Variants in PIGU observed in about 807,000 individuals in gnomAD.
The protein encoded by PIGU is phosphatidylinositol glycan anchor biosynthesis class U.
A neutral mutation model predicts 49.9 loss-of-function variants in PIGU; 24 were observed. That is an observed-to-expected ratio of 0.48 (90% CI 0.35 to 0.68). The LOEUF (loss-of-function observed/expected upper bound fraction) is 0.68. PIGU is among the 30% of genes least tolerant of loss of function. The pLI is 0.01. For synonymous variants in PIGU, 220 were observed against 205.7 expected, an observed-to-expected ratio of 1.07 and a Z score of -0.59; for missense variants, 490 against 532.6, an observed-to-expected ratio of 0.92 and a Z score of 0.79.
intron 7 of PIGU, among the ~76,000 whole-genome samples, chr20:34,602,107 A>C (rs1984446599): frequency 1.3e-5 from 2 of 151,744 alleles, no homozygotes; most frequent in Non-Finnish European, 2.9e-5. Flanking sequence ...CATGGTGAAA[A>C]CCCGTCTCCA....
At chr20:34,668,315 T>C (rs1262799494) in intron 1 of PIGU, among the ~76,000 whole-genome samples, 1 of 151,398 alleles carries the variant, frequency 6.6e-6, no homozygotes, top group African/African-American at 2.4e-5. Context: ...ATACAAAGAT[T>C]AGCTGGCATG....
In PIGU at chr20:34,575,113, G is replaced by A. The variant is rs13040583; in HGVS notation, c.1185C>T (p.Asn395=). The A allele has an allele frequency of 4.8e-5, 78 of 1,613,942 alleles. No individual in the cohort carries two copies. Among genetic ancestry groups the A allele is most frequent in the Non-Finnish European group, 6.3e-5 (74 of 1,179,980 alleles). Residue 395 remains asparagine (N), a synonymous_variant, in exon 11 of 12, where the codon AAC becomes AAT. Transcript: ENST00000217446. ...ATGCTGTCCCTCTTACCTGCCCAAC[G>A]TTGAAGGTCAGTGTGATGGCATAAA... ...NFFYAITLTF[N]VGQILLISDY... is the part of the protein sequence containing the mutation.
chr20:34,634,775 C>T lies in PIGU; in HGVS notation c.429-60G>A, dbSNP rs562075461. 2.5e-6 allele frequency: 4 copies of T among 1,577,700 alleles called. No homozygotes were observed. In the South Asian group the frequency reaches 4.6e-5, roughly 18 times the overall value. On this transcript the variant is annotated intron_variant, in intron 5 of 11. Coordinates refer to ENST00000217446, the MANE Select transcript of PIGU (RefSeq NM_080476.5). ...CCTGACCAAGGAGCCCTCGCCATTA[C>T]AGCAAGGAAGTTCCAAGAGATTTAT...
chr20:34,658,140 G>A lies in PIGU; in HGVS notation c.131-896C>T, dbSNP rs923287908. Among the ~76,000 whole-genome samples the A allele has an allele frequency of 1.2e-4, 18 of 152,182 alleles. No homozygotes were observed. In the South Asian group the frequency reaches 2.3e-3, roughly 19 times the overall value. On this transcript the variant is annotated intron_variant, in intron 1 of 11. Coordinates refer to ENST00000217446, the MANE Select transcript of PIGU (RefSeq NM_080476.5). Reference sequence around the variant, plus strand: ...GCCCAGTGCCTGCGATTGCAGGCGCGCGCCGCCACGCCTGACTGGTTTTCG... The same window carrying A: ...GCCCAGTGCCTGCGATTGCAGGCGCACGCCGCCACGCCTGACTGGTTTTCG...
chr20:34,589,210 C>A (rs1210291707), intron 7 of PIGU, among the ~76,000 whole-genome samples: 1 of 151,594 alleles, frequency 6.6e-6, no homozygotes, highest in Non-Finnish European at 1.5e-5. Context: ...ATAGTATTAG[C>A]CTCCTGGGAA....
chr20:34,624,137 C>T (rs139105062), intron 6 of PIGU, among the ~76,000 whole-genome samples: 34 of 131,166 alleles, frequency 2.6e-4, no homozygotes, highest in East Asian at 1.4e-3. Context: ...AGCTCAGTGA[C>T]GCGGTCATAG....
chr20:34,587,547 TTATTAACTA>T (rs1983747976), intron 8 of PIGU, among the ~76,000 whole-genome samples: 1 of 152,180 alleles, frequency 6.6e-6, no homozygotes, highest in African/African-American at 2.4e-5. Context: ...CAATACTCTA[TTATTAACTA>T]TATTCACCAC....
intron 1 of PIGU, among the ~76,000 whole-genome samples, chr20:34,672,510 C>T (rs1987338067): frequency 6.6e-6 from 1 of 151,898 alleles, no homozygotes; most frequent in African/African-American, 2.4e-5. Context: ...GGTATATGAC[C>T]CAAATCAGTT....
intron 10 of PIGU, among the ~76,000 whole-genome samples, chr20:34,577,437 C>T (rs909924064): frequency 4.6e-5 from 7 of 152,106 alleles, no homozygotes; most frequent in Non-Finnish European, 7.4e-5. Flanking sequence ...AAATCACGGC[C>T]GGGTATGGTG....
At chr20:34,669,627 A>G (rs1306824135) in intron 1 of PIGU, among the ~76,000 whole-genome samples, 1 of 151,016 alleles carries the variant, frequency 6.6e-6, no homozygotes, top group African/African-American at 2.4e-5. Context: ...AGATCACACC[A>G]CTGCACTCCA....
intron 9 of PIGU, among the ~76,000 whole-genome samples, chr20:34,584,679 TTTG>T (rs551968386): frequency 2.7e-5 from 4 of 150,560 alleles, no homozygotes; most frequent in African/African-American, 2.4e-5. Flanking sequence ...CTGGCTAATT[TTTG>T]TTGTTGTTGT....
intron 9 of PIGU, among the ~76,000 whole-genome samples, chr20:34,583,982 CTG>C (rs1225980636): frequency 6.6e-6 from 1 of 152,186 alleles, no homozygotes; most frequent in Non-Finnish European, 1.5e-5. Context: ...CTGTACCTGT[CTG>C]TGTCTGTTTT....
chr20:34,605,900 C>T (rs919014834), intron 7 of PIGU, among the ~76,000 whole-genome samples: 1 of 152,128 alleles, frequency 6.6e-6, no homozygotes, highest in Non-Finnish European at 1.5e-5. Flanking sequence ...CACTTCTGCA[C>T]ACAGTTGTGC....
intron 10 of PIGU, among the ~76,000 whole-genome samples, chr20:34,577,794 T>C (rs1399777927): frequency 6.6e-6 from 1 of 152,030 alleles, no homozygotes; most frequent in Non-Finnish European, 1.5e-5. Context: ...GTCTCTAGGG[T>C]GGGGTTCAGG....
At chr20:34,650,919 G>C (rs542135571) in intron 2 of PIGU, among the ~76,000 whole-genome samples, 1 of 150,976 alleles carries the variant, frequency 6.6e-6, no homozygotes, top group South Asian at 2.1e-4. Context: ...TCACTATGTT[G>C]CTTAGGTTGG....
chr20:34,608,323 C>T (rs1195740123), intron 7 of PIGU, among the ~76,000 whole-genome samples: 1 of 152,180 alleles, frequency 6.6e-6, no homozygotes, highest in Non-Finnish European at 1.5e-5. Context: ...ATCCACCTGC[C>T]TTGGCCTCCC....
At chr20:34,638,793 G>A (rs1364548585) in intron 4 of PIGU, among the ~76,000 whole-genome samples, 1 of 152,140 alleles carries the variant, frequency 6.6e-6, no homozygotes, top group Non-Finnish European at 1.5e-5. Flanking sequence ...CCGCTGGTGT[G>A]TCCTAACAAG....
At chr20:34,625,198 C>G (rs1352587836) in intron 6 of PIGU, among the ~76,000 whole-genome samples, 2 of 151,382 alleles carry the variant, frequency 1.3e-5, no homozygotes, top group African/African-American at 4.9e-5. Context: ...ATGGAGAAAC[C>G]CCGTCTCTAC....
chr20:34,592,749 GATA>G (rs1018055534), intron 7 of PIGU, among the ~76,000 whole-genome samples: 19 of 152,030 alleles, frequency 1.2e-4, no homozygotes, highest in African/African-American at 4.3e-4. Flanking sequence ...GAATATATTG[GATA>G]ATGTTATTCT....
Sources: allele counts gnomAD v4.1 joint callset (sites outside exome capture counted in the v4.1 genomes callset), GRCh38; gene constraint gnomAD v4.1.1; transcripts MANE v1.5; gene names NCBI Gene and HGNC (gene_info 2026-07-23, HGNC 2026-07-21).